Variants in TRAPPC9 observed in about 807,000 individuals in gnomAD.
TRAPPC9 encodes the protein IKK2 binding protein.
A neutral mutation model predicts 124.0 loss-of-function variants in TRAPPC9; 83 were observed. That is an observed-to-expected ratio of 0.67 (90% CI 0.56 to 0.80). The LOEUF is 0.80. TRAPPC9 is among the 30% of genes least tolerant of loss of function. The pLI, the probability that TRAPPC9 is intolerant of heterozygous loss-of-function variation, is 0.00. For synonymous variants in TRAPPC9, 638 were observed against 617.5 expected, an observed-to-expected ratio of 1.03 and a Z score of -0.49; for missense variants, 1,302 against 1,508.3, an observed-to-expected ratio of 0.86 and a Z score of 2.27.
chr8:140,319,641 T>A (rs2066541078), intron 9 of TRAPPC9, among the ~76,000 whole-genome samples: 1 of 152,008 alleles, frequency 6.6e-6, no homozygotes, highest in African/African-American at 2.4e-5. Flanking sequence ...TAATTTTTCA[T>A]ATTTTCTGTA....
intron 19 of TRAPPC9, chr8:139,931,543 C>G (rs892859940): frequency 2.6e-5 from 4 of 152,208 alleles, no homozygotes; most frequent in Non-Finnish European, 4.4e-5. Flanking sequence ...GTACAAAAAG[C>G]CAAGCCCAGA....
At chr8:140,381,106 G>A (rs746253350) in intron 7 of TRAPPC9, among the ~76,000 whole-genome samples, 10 of 151,758 alleles carry the variant, frequency 6.6e-5, no homozygotes, top group Non-Finnish European at 1.5e-4. Context: ...TTGGGAGGCT[G>A]AGGCAGGAGA....
intron 19 of TRAPPC9, among the ~76,000 whole-genome samples, chr8:139,941,422 A>G (rs114197045): frequency 0.023 from 3,505 of 152,278 alleles, 137 homozygotes; most frequent in African/African-American, 0.08. Flanking sequence ...CTCTTACTGT[A>G]GGAAGAGGCT....
chr8:140,292,342 C>T (rs1229511142), intron 11 of TRAPPC9, among the ~76,000 whole-genome samples: 2 of 152,146 alleles, frequency 1.3e-5, no homozygotes, highest in Non-Finnish European at 2.9e-5. Flanking sequence ...TAAATTGGCC[C>T]AGGAACCACA....
intron 17 of TRAPPC9, among the ~76,000 whole-genome samples, chr8:140,215,746 A>G (rs957495437): frequency 2.0e-5 from 3 of 151,712 alleles, no homozygotes; most frequent in African/African-American, 7.3e-5. Context: ...CCGCTTCCCC[A>G]CTCACCTCAT....
At chr8:140,176,631 T>G (rs2062077870) in intron 17 of TRAPPC9, among the ~76,000 whole-genome samples, 3 of 152,234 alleles carry the variant, frequency 2.0e-5, no homozygotes. Context: ...GCATCGGTCA[T>G]GTCTTTGAGT....
chr8:139,768,388 G>A (rs372868601), intron 21 of TRAPPC9, among the ~76,000 whole-genome samples: 4 of 152,222 alleles, frequency 2.6e-5, no homozygotes, highest in South Asian at 4.1e-4. Context: ...CTGGGGGCAC[G>A]GGGCAGGCAG....
At chr8:139,953,223 G>T (rs954060474) in intron 19 of TRAPPC9, among the ~76,000 whole-genome samples, 1 of 152,214 alleles carries the variant, frequency 6.6e-6, no homozygotes, top group Non-Finnish European at 1.5e-5. Flanking sequence ...CAGGAGTTGC[G>T]GCTCACGCCT....
chr8:140,368,940 C>T (rs1318782683), intron 8 of TRAPPC9, among the ~76,000 whole-genome samples: 3 of 152,170 alleles, frequency 2.0e-5, no homozygotes, highest in East Asian at 1.9e-4. Context: ...CCAGGGATTT[C>T]GCAAAGTATA....
At chr8:139,815,405 T>G (rs1824758936) in intron 21 of TRAPPC9, among the ~76,000 whole-genome samples, 2 of 151,986 alleles carry the variant, frequency 1.3e-5, no homozygotes, top group South Asian at 2.1e-4. Flanking sequence ...TTTTTTTTTT[T>G]TTGAGACCGT....
chr8:140,099,598 G>A (rs1459713139), intron 17 of TRAPPC9: 1 of 145,448 alleles, frequency 6.9e-6, no homozygotes, highest in Non-Finnish European at 1.5e-5. Flanking sequence ...GCAGCTGCAG[G>A]AGTGCCGCAG....
intron 19 of TRAPPC9, among the ~76,000 whole-genome samples, chr8:139,941,323 C>T (rs1833908392): frequency 6.6e-6 from 1 of 152,208 alleles, no homozygotes; most frequent in Admixed American, 6.5e-5. Flanking sequence ...GTAGTTTGTC[C>T]ACTTCCCTGG....
chr8:140,225,252 C>T (rs2063421097), intron 16 of TRAPPC9, among the ~76,000 whole-genome samples: 1 of 152,172 alleles, frequency 6.6e-6, no homozygotes, highest in African/African-American at 2.4e-5. Context: ...GATGCAGGCT[C>T]TAACAAATTG....
chr8:140,389,044 G>A (rs1168167318), intron 7 of TRAPPC9, among the ~76,000 whole-genome samples: 5 of 137,010 alleles, frequency 3.6e-5, no homozygotes, highest in Non-Finnish European at 6.1e-5. Context: ...TGCAACCTCC[G>A]CCTCCCAGGT....
intron 21 of TRAPPC9, among the ~76,000 whole-genome samples, chr8:139,771,442 C>T (rs1820954591): frequency 6.6e-6 from 1 of 152,168 alleles, no homozygotes; most frequent in South Asian, 2.1e-4. Context: ...CATGTGAACC[C>T]AGAGTGTCTA....
intron 10 of TRAPPC9, among the ~76,000 whole-genome samples, chr8:140,308,389 G>A (rs536028106): frequency 2.1e-4 from 31 of 151,202 alleles, no homozygotes; most frequent in African/African-American, 6.8e-4. Flanking sequence ...TCATTTGACC[G>A]GTCGTACTGA....
intron 8 of TRAPPC9, among the ~76,000 whole-genome samples, chr8:140,366,270 T>C (rs2132214257): frequency 6.6e-6 from 1 of 152,272 alleles, no homozygotes; most frequent in African/African-American, 2.4e-5. Context: ...TTTAAAGAAA[T>C]ATAAATCATT....
chr8:140,214,684 T>C (rs1057289669), intron 17 of TRAPPC9, among the ~76,000 whole-genome samples: 1 of 152,164 alleles, frequency 6.6e-6, no homozygotes, highest in Non-Finnish European at 1.5e-5. Context: ...CTTGCATAAA[T>C]ATTGTTTCTA....
At position 139,990,258 on chromosome 8, in the gene TRAPPC9, G is replaced by C. The variant is rs540035506; in HGVS notation, c.2700-1422C>G. On this transcript the variant is annotated intron_variant, in intron 18 of 22. Coordinates refer to ENST00000438773, the MANE Select transcript of TRAPPC9 (RefSeq NM_001160372.4). ...AGTCCGTGGAGCCCCCTGCACTGGA[G>C]ACGGAGGCTCAGGAGAGGACAGCCA... Among the ~76,000 whole-genome samples, 55 of 152,312 alleles carry C rather than the reference G, an allele frequency of 3.6e-4. 1 individual carries two copies. In the South Asian group the frequency reaches 0.011, roughly 32 times the overall value.
Sources: gnomAD v4.1 joint callset for allele counts (sites outside exome capture counted in the v4.1 genomes callset) on GRCh38, gnomAD v4.1.1 for gene constraint, MANE v1.5 for transcripts, NCBI Gene and HGNC (gene_info 2026-07-23, HGNC 2026-07-21) for gene names.